Variants in PTPRD observed in about 807,000 individuals in gnomAD.
PTPRD encodes protein tyrosine phosphatase receptor type D.
A neutral mutation model predicts 214.5 loss-of-function variants in PTPRD; 34 were observed. The observed-to-expected ratio is 0.16, with a 90% confidence interval of 0.12 to 0.21. The LOEUF (loss-of-function observed/expected upper bound fraction) is 0.21, where lower values mean the gene tolerates loss of function less well. PTPRD is among the 10% of genes least tolerant of loss of function. The probability of loss-of-function intolerance (pLI) is 1.00; values close to 1 mark genes in which losing one functional copy is unlikely to be tolerated. For synonymous variants in PTPRD, 1,128 were observed against 845.7 expected (o/e 1.33, Z -5.79); for missense variants, 2,545 against 2,398.7 (o/e 1.06, Z -1.27).
intron 39 of PTPRD, among the ~76,000 whole-genome samples, chr9:8,361,719 G>C (rs557279913): frequency 6.6e-6 from 1 of 152,290 alleles, no homozygotes; most frequent in South Asian, 2.1e-4. Context: ...GTTGATAATT[G>C]AAGCTGTGTG....
intron 5 of PTPRD, among the ~76,000 whole-genome samples, chr9:9,923,941 A>C (rs1187710815): frequency 6.6e-6 from 1 of 152,058 alleles, no homozygotes; most frequent in East Asian, 1.9e-4. Flanking sequence ...GAAGGATGAA[A>C]GGCTAGAGGA....
At chr9:8,999,944 T>C (rs539735636) in intron 11 of PTPRD, among the ~76,000 whole-genome samples, 2 of 152,016 alleles carry the variant, frequency 1.3e-5, no homozygotes, top group Non-Finnish European at 2.9e-5. Flanking sequence ...TCAAAGTATC[T>C]GAGAAGCAGT....
At chr9:9,409,374 C>T (rs1326040620) in intron 8 of PTPRD, among the ~76,000 whole-genome samples, 1 of 151,774 alleles carries the variant, frequency 6.6e-6, no homozygotes, top group Non-Finnish European at 1.5e-5. Flanking sequence ...TGAGTTTCTC[C>T]AAATCTGGAA....
chr9:10,582,156 G>C (rs1044600412), intron 2 of PTPRD, among the ~76,000 whole-genome samples: 1 of 152,130 alleles, frequency 6.6e-6, no homozygotes, highest in Non-Finnish European at 1.5e-5. Flanking sequence ...AAATATTAGA[G>C]TTAGAATATA....
chr9:9,462,120 C>T (rs1029979980), intron 8 of PTPRD, among the ~76,000 whole-genome samples: 6 of 151,970 alleles, frequency 3.9e-5, no homozygotes, highest in South Asian at 2.1e-4. Flanking sequence ...TGCAAATAGT[C>T]GACTCACAAT....
chr9:10,383,051 A>C (rs751546625), intron 2 of PTPRD, among the ~76,000 whole-genome samples: 1 of 151,844 alleles, frequency 6.6e-6, no homozygotes, highest in Non-Finnish European at 1.5e-5. Flanking sequence ...GCCTTAAGTC[A>C]TTGTTCATAT....
Position 8,322,262 on chromosome 9 carries a change from T to A in PTPRD, c.5535-2296A>T, listed in dbSNP as rs536542473. 2.0e-5 allele frequency among the ~76,000 whole-genome samples: 3 copies of A among 152,240 alleles called. No homozygotes were observed. The East Asian group carries it at 5.8e-4, about 29-fold the overall frequency. Reference sequence around the variant, plus strand: ...TGTTCAAGTGAAAGGGAGAGTCGCGTGTATCTAACTAACTTTAAATCACAA... The same window carrying A: ...TGTTCAAGTGAAAGGGAGAGTCGCGAGTATCTAACTAACTTTAAATCACAA... On this transcript the variant is annotated intron_variant, in intron 44 of 45. Coordinates refer to ENST00000381196, the MANE Select transcript of PTPRD (RefSeq NM_002839.4).
At chr9:9,199,488 G>A (rs2099940609) in intron 9 of PTPRD, among the ~76,000 whole-genome samples, 1 of 152,094 alleles carries the variant, frequency 6.6e-6, no homozygotes, top group Admixed American at 6.6e-5. Flanking sequence ...GTGATTTGCT[G>A]CTATGAAGCG....
intron 5 of PTPRD, among the ~76,000 whole-genome samples, chr9:9,901,041 TACA>T (rs1463391724): frequency 6.6e-6 from 1 of 152,154 alleles, no homozygotes; most frequent in African/African-American, 2.4e-5. Context: ...CTGCAGGCTG[TACA>T]ACAATGGCAC....
chr9:9,069,944 TA>T (rs960916949), intron 10 of PTPRD, among the ~76,000 whole-genome samples: 4 of 151,960 alleles, frequency 2.6e-5, no homozygotes, highest in African/African-American at 9.7e-5. Flanking sequence ...CCTATAAAAT[TA>T]AAAGAAAAAA....
At chr9:10,178,027 A>G (rs1486304696) in intron 3 of PTPRD, among the ~76,000 whole-genome samples, 2 of 151,886 alleles carry the variant, frequency 1.3e-5, no homozygotes, top group East Asian at 1.9e-4. Context: ...TCCTTCTTCC[A>G]CTTAGTGAAT....
intron 10 of PTPRD, among the ~76,000 whole-genome samples, chr9:9,158,143 C>T (rs899156547): frequency 1.3e-4 from 20 of 152,076 alleles, no homozygotes; most frequent in African/African-American, 4.3e-4. Context: ...GTTGATTCCA[C>T]GACTTTGCTG....
At chr9:9,601,109 ATATGTGTGTG>A (rs1337162114) in intron 7 of PTPRD, among the ~76,000 whole-genome samples, 1,583 of 102,130 alleles carry the variant, frequency 0.015, 14 homozygotes, top group African/African-American at 0.019. Flanking sequence ...AGAGATTAAT[ATATGTGTGTG>A]TGTGTGTGTG....
intron 9 of PTPRD, among the ~76,000 whole-genome samples, chr9:9,380,096 C>G (rs2061786330): frequency 6.6e-6 from 1 of 151,826 alleles, no homozygotes; most frequent in Non-Finnish European, 1.5e-5. Flanking sequence ...TAGTTGAAAA[C>G]CTTTGAGTGT....
intron 12 of PTPRD, among the ~76,000 whole-genome samples, chr9:8,642,174 T>G (rs1279818775): frequency 6.6e-6 from 1 of 151,880 alleles, no homozygotes; most frequent in African/African-American, 2.4e-5. Flanking sequence ...TAAAACAGAT[T>G]CATAGAAAGG....
At chr9:10,001,756 T>A (rs1468363116) in intron 4 of PTPRD, among the ~76,000 whole-genome samples, 1 of 152,084 alleles carries the variant, frequency 6.6e-6, no homozygotes, top group African/African-American at 2.4e-5. Flanking sequence ...CTAAAGGAAT[T>A]CGTCACTAGT....
chr9:8,574,635 C>A (rs559883918), intron 14 of PTPRD, among the ~76,000 whole-genome samples: 2 of 152,112 alleles, frequency 1.3e-5, no homozygotes, highest in Admixed American at 1.3e-4. Flanking sequence ...GCACTTTCCA[C>A]ATACTTTGTT....
At chr9:8,387,076 G>A (rs1201043308) in intron 37 of PTPRD, among the ~76,000 whole-genome samples, 1 of 152,148 alleles carries the variant, frequency 6.6e-6, no homozygotes, top group African/African-American at 2.4e-5. Flanking sequence ...TCTGGGTACA[G>A]GCTGAACCAC....
chr9:9,341,060 A>T (rs1196555277), intron 9 of PTPRD, among the ~76,000 whole-genome samples: 3 of 152,162 alleles, frequency 2.0e-5, no homozygotes, highest in Admixed American at 6.5e-5. Context: ...AAATACATTA[A>T]ATGTTTTGCT....
Sources: allele counts gnomAD v4.1 joint callset (sites outside exome capture counted in the v4.1 genomes callset), GRCh38; gene constraint gnomAD v4.1.1; transcripts MANE v1.5; gene names NCBI Gene and HGNC (gene_info 2026-07-23, HGNC 2026-07-21).